CAP2: variants seen among roughly 807,000 people sequenced by gnomAD.
The protein encoded by CAP2 is adenylyl cyclase-associated protein 2.
In CAP2, 24 loss-of-function variants were observed where a neutral mutation model predicts 57.7. The ratio of observed to expected loss-of-function variants is 0.42; its 90% CI spans 0.30 to 0.58. The LOEUF is 0.58. Among genes scored for constraint, CAP2 ranks in the 20% least tolerant of loss-of-function variants. The probability of loss-of-function intolerance (pLI) is 0.22; values close to 1 mark genes in which losing one functional copy is unlikely to be tolerated. For missense variants in CAP2, 501 were observed against 590.3 expected (o/e 0.85, Z 1.57); for synonymous variants, 194 against 207.2 (o/e 0.94, Z 0.55).
At chr6:17,535,739 T>C (rs1762757596) in intron 7 of CAP2, among the ~76,000 whole-genome samples, 1 of 152,234 alleles carries the variant, frequency 6.6e-6, no homozygotes, top group Non-Finnish European at 1.5e-5. Flanking sequence ...GTTAAAGAGA[T>C]ATTTCAGTAC....
intron 4 of CAP2, among the ~76,000 whole-genome samples, chr6:17,465,208 A>G (rs1213199359): frequency 6.6e-6 from 1 of 151,976 alleles, no homozygotes; most frequent in African/African-American, 2.4e-5. Context: ...TTCTTTAAAG[A>G]TGGGTTCTTG....
chr6:17,528,836 A>G lies in CAP2; in HGVS notation c.637-10433A>G, dbSNP rs1438075659. ...TAAACATATATTTAAAATATTATACAGCACTTCACTGTGGTATTATTAACA... is the reference window on the plus strand; with the variant it reads ...TAAACATATATTTAAAATATTATACGGCACTTCACTGTGGTATTATTAACA... On this transcript the variant is annotated intron_variant, in intron 7 of 12. Transcript: ENST00000229922. Among the ~76,000 whole-genome samples, 3 of 152,180 alleles carry G rather than the reference A, an allele frequency of 2.0e-5. No homozygotes were observed. In the East Asian group the frequency reaches 5.8e-4, roughly 29 times the overall value.
chr6:17,543,010 C>A (rs1762944443), intron 10 of CAP2, 50 bp downstream of exon 10: 3 of 1,611,726 alleles, frequency 1.9e-6, no homozygotes, highest in Non-Finnish European at 2.5e-6. Context: ...TATAAACAAG[C>A]TGTATGTATT....
At chr6:17,401,569 G>C (rs968349362) in intron 1 of CAP2, among the ~76,000 whole-genome samples, 2 of 152,154 alleles carry the variant, frequency 1.3e-5, no homozygotes, top group African/African-American at 4.8e-5. Context: ...CTGGCCTAAT[G>C]AGTTAGGTTG....
chr6:17,519,398 T>C (rs1420696734), intron 7 of CAP2, among the ~76,000 whole-genome samples: 1 of 152,226 alleles, frequency 6.6e-6, no homozygotes, highest in East Asian at 1.9e-4. Context: ...ATAATCTGTC[T>C]GGAATGTCTT....
At chr6:17,503,941 CA>C (rs1469036460) in intron 4 of CAP2, among the ~76,000 whole-genome samples, 1 of 152,194 alleles carries the variant, frequency 6.6e-6, no homozygotes, top group Non-Finnish European at 1.5e-5. Flanking sequence ...CTAGCTTCTG[CA>C]GCAAATGTTT....
intron 1 of CAP2, among the ~76,000 whole-genome samples, chr6:17,406,704 GA>G (rs1467330353): frequency 2.0e-5 from 3 of 151,864 alleles, no homozygotes; most frequent in East Asian, 1.9e-4. Flanking sequence ...GGTTTCTTTA[GA>G]AAAAAAGTTT....
intron 1 of CAP2, among the ~76,000 whole-genome samples, chr6:17,419,847 C>T (rs1295155821): frequency 6.6e-6 from 1 of 151,822 alleles, no homozygotes; most frequent in East Asian, 1.9e-4. Context: ...CCATGCCTGG[C>T]TAACTTTTTT....
intron 4 of CAP2, among the ~76,000 whole-genome samples, chr6:17,491,964 T>G (rs1056419197): frequency 6.6e-6 from 1 of 152,210 alleles, no homozygotes; most frequent in African/African-American, 2.4e-5. Flanking sequence ...GACCTGCTGA[T>G]GAGGACCAAA....
intron 7 of CAP2, chr6:17,536,250 C>T (rs1459660047): frequency 1.3e-5 from 6 of 456,576 alleles, no homozygotes; most frequent in Admixed American, 4.7e-5. Flanking sequence ...TGAGAAGAGA[C>T]GGAGGCAAAG....
At chr6:17,443,574 G>GAC (rs3075206) in intron 3 of CAP2, among the ~76,000 whole-genome samples, 4,146 of 150,088 alleles carry the variant, frequency 0.028, 77 homozygotes, top group African/African-American at 0.049. Flanking sequence ...AAAACACACA[G>GAC]ACACACACAC....
chr6:17,438,878 C>T (rs1759985599), intron 3 of CAP2, among the ~76,000 whole-genome samples: 1 of 150,078 alleles, frequency 6.7e-6, no homozygotes, highest in South Asian at 2.1e-4. Context: ...TTTGGGAGGC[C>T]AAGGTGGGCA....
chr6:17,393,940 GGGC>G (rs1561767187), intron 1 of CAP2, among the ~76,000 whole-genome samples, 194 bp downstream of exon 1: 1 of 147,142 alleles, frequency 6.8e-6, no homozygotes, highest in East Asian at 2.0e-4. Context: ...GCGGCGACCC[GGGC>G]GCGGGGCGCG....
intron 2 of CAP2, among the ~76,000 whole-genome samples, chr6:17,426,201 A>T (rs560353506): frequency 4.6e-5 from 7 of 151,302 alleles, no homozygotes; most frequent in Admixed American, 1.3e-4. Flanking sequence ...AAACTTCCAT[A>T]TTGCCTATGG....
At chr6:17,478,221 G>A (rs1327636302) in intron 4 of CAP2, among the ~76,000 whole-genome samples, 3 of 150,032 alleles carry the variant, frequency 2.0e-5, no homozygotes, top group Non-Finnish European at 3.0e-5. Context: ...TGCAACCACC[G>A]CCTCCCAGGC....
chr6:17,474,108 C>T (rs1761087347), intron 4 of CAP2, among the ~76,000 whole-genome samples: 1 of 151,300 alleles, frequency 6.6e-6, no homozygotes, highest in East Asian at 1.9e-4. Flanking sequence ...TTTAGCCCCT[C>T]CCCTGATTAG....
In CAP2 at chr6:17,414,151, C is replaced by G. The variant is rs190262577; in HGVS notation, c.-1-7404C>G. Among the ~76,000 whole-genome samples the G allele has an allele frequency of 3.1e-3, 469 of 151,936 alleles. 11 individuals are homozygous for G. The highest frequency in any genetic ancestry group is 0.028 in the Admixed American group (430 of 15,250). ...TTGATGGACTTACAGAGAAATTAGT[C>G]CATTGTAACTTTATTTTTTGCAGAG... is the stretch of plus-strand genomic sequence containing the variant. On this transcript the variant is annotated intron_variant, in intron 1 of 12. Transcript: ENST00000229922.
intron 6 of CAP2, among the ~76,000 whole-genome samples, chr6:17,509,352 C>G (rs1022998707): frequency 1.3e-5 from 2 of 152,088 alleles, no homozygotes; most frequent in Admixed American, 6.6e-5. Flanking sequence ...ATCCATCCCT[C>G]AAGTTAAGAA....
At chr6:17,546,451 G>C (rs1475421717) in intron 11 of CAP2, among the ~76,000 whole-genome samples, 1 of 152,078 alleles carries the variant, frequency 6.6e-6, no homozygotes, top group African/African-American at 2.4e-5. Flanking sequence ...TTAGCCCTTT[G>C]TCAGATGAGT....
Sources: gnomAD v4.1 joint callset for allele counts (sites outside exome capture counted in the v4.1 genomes callset) on GRCh38, gnomAD v4.1.1 for gene constraint, MANE v1.5 for transcripts, NCBI Gene and HGNC (gene_info 2026-07-23, HGNC 2026-07-21) for gene names.